The following ZNF383 variants were observed in gnomAD, a reference collection of about 807,000 sequenced individuals.
The protein encoded by ZNF383 is zinc finger protein 383.
In ZNF383, 32 loss-of-function variants were observed where a neutral mutation model predicts 44.2. The ratio of observed to expected loss-of-function variants is 0.72; its 90% confidence interval spans 0.55 to 0.97. The LOEUF (loss-of-function observed/expected upper bound fraction) is 0.97. Among genes scored for constraint, ZNF383 ranks in the 50% least tolerant of loss-of-function variants. The pLI is 0.00. For synonymous variants in ZNF383, 155 were observed against 186.2 expected (o/e 0.83, Z 1.36); for missense variants, 487 against 562.5 (o/e 0.87, Z 1.36).
intron 5 of ZNF383, among the ~76,000 whole-genome samples, chr19:37,236,912 A>G (rs1973829497): frequency 6.6e-6 from 1 of 150,450 alleles, no homozygotes; most frequent in Non-Finnish European, 1.5e-5. Flanking sequence ...TTCTACTACC[A>G]CTCCCCAAAA....
Position 37,247,504 on chromosome 19 carries a change from A to G in ZNF383, c.*3840A>G, listed in dbSNP as rs1974410168. 1 of 152,156 alleles carries G rather than the reference A, an allele frequency of 6.6e-6. No homozygotes were observed. Among genetic ancestry groups the G allele is most frequent in the African/African-American group, 2.4e-5 (1 of 41,428 alleles). The allele number at this position is 152,156 out of a possible 1,614,324, so 9.4% of individuals were successfully genotyped here. On this transcript the variant is annotated 3_prime_UTR_variant, in exon 6 of 6. Transcript: ENST00000684119. The stretch of plus-strand genomic sequence containing the variant: ...AACTATACACTTTAAAAGGGTGAAT[A>G]TTATGCTGTGTGAATTTGATCTCAA...
intron 3 of ZNF383, among the ~76,000 whole-genome samples, chr19:37,235,337 T>G (rs568926642): frequency 6.6e-6 from 1 of 152,148 alleles, no homozygotes; most frequent in South Asian, 2.1e-4. Flanking sequence ...GCTACTGGAT[T>G]AGTCATTATT....
intron 5 of ZNF383, among the ~76,000 whole-genome samples, chr19:37,236,543 A>G (rs931350790): frequency 4.0e-5 from 6 of 149,706 alleles, no homozygotes; most frequent in African/African-American, 1.5e-4. Flanking sequence ...CTGTGCCACC[A>G]TGCCTGGCTA....
At chr19:37,234,645 C>T (rs1251575542) in intron 3 of ZNF383, among the ~76,000 whole-genome samples, 1 of 152,140 alleles carries the variant, frequency 6.6e-6, no homozygotes, top group East Asian at 1.9e-4. Flanking sequence ...CCGCCTTGGC[C>T]TCCCAAAATG....
At chr19:37,224,490 C>A (rs1358958632) in intron 1 of ZNF383, among the ~76,000 whole-genome samples, 1 of 152,066 alleles carries the variant, frequency 6.6e-6, no homozygotes, top group Admixed American at 6.6e-5. Flanking sequence ...ATCTGAGCCA[C>A]TGATCATTAT....
rs754543391 is a variant in ZNF383, at chr19:37,243,653, A to T, written c.1417A>T (p.Thr473Ser). The change falls in exon 6 of 6, where the codon ACT becomes TCT. Residue 473 changes from threonine (T) to serine (S), a missense_variant. Transcript: ENST00000684119. ...SDLIRHQGIHTNK is the reference protein window; with the variant it reads ...SDLIRHQGIHSNK ...TCTCATTCGTCATCAGGGAATTCATACTAATAAATAATAAAAATTAAAGCC... is the reference window on the plus strand; with the variant it reads ...TCTCATTCGTCATCAGGGAATTCATTCTAATAAATAATAAAAATTAAAGCC... 1.3e-6 allele frequency: 2 copies of T among 1,512,740 alleles called. No individual in the cohort carries two copies. Among genetic ancestry groups the T allele is most frequent in the Non-Finnish European group, 1.8e-6 (2 of 1,129,998 alleles). The allele number at this position is 1,512,740 out of a possible 1,614,324, so 93.7% of individuals were successfully genotyped here.
intron 3 of ZNF383, 40 bp downstream of exon 3, chr19:37,230,502 T>TAAAAA: frequency 6.8e-7 from 1 of 1,481,228 alleles, no homozygotes. Flanking sequence ...ACATTTAGTT[T>TAAAAA]AAAAAAAAAA....
intron 5 of ZNF383, among the ~76,000 whole-genome samples, chr19:37,240,163 A>G (rs980248458): frequency 7.2e-5 from 11 of 152,182 alleles, no homozygotes; most frequent in Non-Finnish European, 1.6e-4. Context: ...GTTTCAAAAA[A>G]AAAAAAAAAG....
intron 2 of ZNF383, among the ~76,000 whole-genome samples, chr19:37,229,632 GTA>G (rs71177436): frequency 0.04 from 5,570 of 140,492 alleles, 393 homozygotes; most frequent in African/African-American, 0.14. Context: ...GTGTGTGTGT[GTA>G]TATATATATA....
At position 37,243,113 on chromosome 19, in the gene ZNF383, A is replaced by G. The variant is rs749541819; in HGVS notation, c.877A>G (p.Lys293Glu). Residue 293 changes from lysine to glutamate, a missense_variant, in exon 6 of 6, where the codon AAG becomes GAG. Physicochemically the swap from Lys to Glu is moderately conservative, Grantham distance 56 (BLOSUM62 1). Coordinates refer to ENST00000684119, the MANE Select transcript of ZNF383 (RefSeq NM_001387601.1). The part of the protein sequence containing the change: ...ECKVCGKAFT[K>E]SSQLFQHARI... Reference sequence around the variant, plus strand: ...TAAAGTATGTGGGAAAGCCTTTACTAAGAGCTCACAACTTTTTCAGCATGC... The same window carrying G: ...TAAAGTATGTGGGAAAGCCTTTACTGAGAGCTCACAACTTTTTCAGCATGC... 2.5e-6 allele frequency: 4 copies of G among 1,613,918 alleles called. No homozygotes were observed. Among genetic ancestry groups the G allele is most frequent in the East Asian group, 4.5e-5 (2 of 44,872 alleles).
Position 37,242,683 on chromosome 19 carries a change from C to T in ZNF383, c.447C>T (p.Pro149=). The T allele has an allele frequency of 6.2e-7, 1 of 1,613,824 alleles. No homozygotes were observed. Among genetic ancestry groups the T allele is most frequent in the Non-Finnish European group, 8.5e-7 (1 of 1,179,782 alleles). ...SQEIFTPEYM[P]TFIQQTFLTL... ...AAATATTCACTCCTGAATACATGCC[C>T]ACATTTATTCAACAGACATTCCTTA... The change falls in exon 6 of 6, where the codon CCC becomes CCT. Residue 149 remains proline, a synonymous_variant. Coordinates refer to ENST00000684119, the MANE Select transcript of ZNF383 (RefSeq NM_001387601.1).
At chr19:37,239,883 G>A (rs932743560) in intron 5 of ZNF383, among the ~76,000 whole-genome samples, 2 of 152,168 alleles carry the variant, frequency 1.3e-5, no homozygotes, top group African/African-American at 2.4e-5. Context: ...AGATCTGCCG[G>A]GCGCAGTGGC....
chr19:37,230,388 C>G (rs945829525), intron 2 of ZNF383, 21 bp from the exon 3 acceptor site: 4 of 1,586,224 alleles, frequency 2.5e-6, no homozygotes, highest in Non-Finnish European at 3.5e-6. Flanking sequence ...CATGCAACCT[C>G]AGAACACTGT....
At chr19:37,226,201 T>A (rs1255640611) in intron 2 of ZNF383, among the ~76,000 whole-genome samples, 3 of 152,136 alleles carry the variant, frequency 2.0e-5, no homozygotes, top group African/African-American at 7.2e-5. Flanking sequence ...TATGCTTTAT[T>A]TTTTAGGGTA....
At chr19:37,234,677 A>T (rs569804902) in intron 3 of ZNF383, among the ~76,000 whole-genome samples, 16 of 152,346 alleles carry the variant, frequency 1.1e-4, no homozygotes, top group African/African-American at 3.6e-4. Flanking sequence ...GGCATGAGCC[A>T]CCACGCCCAG....
At position 37,245,651 on chromosome 19, in the gene ZNF383, TTTTAG is replaced by T. The variant is rs1468887544; in HGVS notation, c.*1989_*1993del. 1 of 151,602 alleles carries T rather than the reference TTTTAG, an allele frequency of 6.6e-6. No individual in the cohort carries two copies. The highest frequency in any genetic ancestry group is 1.5e-5 in the Non-Finnish European group (1 of 67,926). The allele number at this position is 151,602 out of a possible 1,614,324, so 9.4% of individuals were successfully genotyped here. The stretch of plus-strand genomic sequence containing the variant: ...CACCATGCCTGGCTAATTTTTGTAT[TTTTAG>T]TAGAGACAGGGTTTCACTATGTTGG... On this transcript the variant is annotated 3_prime_UTR_variant, in exon 6 of 6. Transcript: ENST00000684119.
rs767675948 is a variant in ZNF383 at position 37,243,585 on chromosome 19, A to G, written c.1349A>G (p.Tyr450Cys). Residue 450 changes from tyrosine to cysteine, a missense_variant, in exon 6 of 6, where the codon TAT becomes TGT. Transcript: ENST00000684119. ...HLRIHTGEKPYNCKECGKAFS... is the reference protein window; with the variant it reads ...HLRIHTGEKPCNCKECGKAFS... ...AGAATTCACACTGGTGAAAAGCCCTATAACTGTAAGGAATGTGGGAAGGCT... is the reference window on the plus strand; with the variant it reads ...AGAATTCACACTGGTGAAAAGCCCTGTAACTGTAAGGAATGTGGGAAGGCT... 37 of 1,613,056 alleles carry G rather than the reference A, an allele frequency of 2.3e-5. No individual in the cohort carries two copies. The highest frequency in any genetic ancestry group is 8.3e-5 in the Admixed American group (5 of 59,926).
chr19:37,220,773 T>G (rs567779911), intron 1 of ZNF383, among the ~76,000 whole-genome samples: 1 of 152,262 alleles, frequency 6.6e-6, no homozygotes, highest in Non-Finnish European at 1.5e-5. Flanking sequence ...TTGATAATCG[T>G]TATTTTCTTC....
chr19:37,243,897 G>T lies in ZNF383; in HGVS notation c.*233G>T. 7.6e-6 allele frequency: 3 copies of T among 396,706 alleles called. No individual in the cohort carries two copies. Among genetic ancestry groups the T allele is most frequent in the Non-Finnish European group, 1.3e-5 (3 of 224,780 alleles). 24.6% of individuals were successfully genotyped at this position (396,706 alleles called of 1,614,324 possible). A position where few individuals can be genotyped will look rare whatever the true frequency, so the allele number is the denominator to read the frequency against. ...ATTCATTGTTTTGTTCTACTTTCTT[G>T]GTGACACATTATACTCATGTTTATA... On this transcript the variant is annotated 3_prime_UTR_variant, in exon 6 of 6. Coordinates refer to ENST00000684119, the MANE Select transcript of ZNF383 (RefSeq NM_001387601.1).
Sources: allele counts gnomAD v4.1 joint callset (sites outside exome capture counted in the v4.1 genomes callset), GRCh38; gene constraint gnomAD v4.1.1; transcripts MANE v1.5; gene names NCBI Gene and HGNC (gene_info 2026-07-23, HGNC 2026-07-21).